CDH12: variants seen among roughly 807,000 people sequenced by gnomAD.
The protein encoded by CDH12 is cadherin 12.
A neutral mutation model predicts 74.1 loss-of-function variants in CDH12; 41 were observed. The ratio of observed to expected loss-of-function variants is 0.55; its 90% CI spans 0.43 to 0.72. The LOEUF (loss-of-function observed/expected upper bound fraction) is 0.72, where lower values mean the gene tolerates loss of function less well. Among genes scored for constraint, CDH12 ranks in the 30% least tolerant of loss-of-function variants. CDH12 has a pLI of 0.00. For missense variants in CDH12, 945 were observed against 977.2 expected, an observed-to-expected ratio of 0.97 and a Z score of 0.44; for synonymous variants, 399 against 355.0, an observed-to-expected ratio of 1.12 and a Z score of -1.39.
At chr5:21,755,970 C>A in intron 13 of CDH12, 128 bp from the exon 14 acceptor site, 2 of 857,672 alleles carry the variant, frequency 2.3e-6, no homozygotes, top group Non-Finnish European at 3.6e-6. Flanking sequence ...TTTTTTATTT[C>A]TGTTCACATT....
At chr5:21,837,518 G>C (rs557162426) in intron 8 of CDH12, among the ~76,000 whole-genome samples, 1 of 149,496 alleles carries the variant, frequency 6.7e-6, no homozygotes, top group Admixed American at 6.7e-5. Context: ...AACAAATATA[G>C]TTAGTTGTGG....
chr5:21,912,429 C>CT (rs1469268477), intron 6 of CDH12, among the ~76,000 whole-genome samples: 5 of 151,894 alleles, frequency 3.3e-5, no homozygotes, highest in African/African-American at 1.2e-4. Context: ...CTCCTGCTTT[C>CT]TTGGGAGAGA....
chr5:22,741,316 T>C (rs1418271499), intron 1 of CDH12, among the ~76,000 whole-genome samples: 1 of 152,188 alleles, frequency 6.6e-6, no homozygotes, highest in Non-Finnish European at 1.5e-5. Context: ...TTTACATTTA[T>C]TAATTTTAAC....
intron 6 of CDH12, among the ~76,000 whole-genome samples, chr5:21,876,700 C>A (rs988002713): frequency 7.0e-6 from 1 of 142,090 alleles, no homozygotes; most frequent in Non-Finnish European, 1.6e-5. Flanking sequence ...GTTGCTTCAG[C>A]CACATTTGTC....
intron 6 of CDH12, among the ~76,000 whole-genome samples, chr5:21,970,548 G>C (rs1756797070): frequency 6.6e-6 from 1 of 152,058 alleles, no homozygotes; most frequent in South Asian, 2.1e-4. Context: ...GAAACAAGTA[G>C]TCTCTGGTTG....
At chr5:21,900,275 G>T (rs1753324258) in intron 6 of CDH12, among the ~76,000 whole-genome samples, 1 of 152,082 alleles carries the variant, frequency 6.6e-6, no homozygotes, top group Non-Finnish European at 1.5e-5. Flanking sequence ...AGGCAATAAA[G>T]AAAGGAAGGA....
rs138301222 is a variant in CDH12, at chr5:22,201,220, A to G, written c.-187+11278T>C. Among the ~76,000 whole-genome samples the G allele has an allele frequency of 4.7e-3, 723 of 152,328 alleles. 5 individuals carry two copies. The highest frequency in any genetic ancestry group is 0.016 in the African/African-American group (678 of 41,588). On this transcript the variant is annotated intron_variant, in intron 4 of 14. Coordinates refer to ENST00000382254, the MANE Select transcript of CDH12 (RefSeq NM_004061.5). ...AAATGGATGCAGCCATATTCACCAT[A>G]TAAAGATGTGGAATCAACCTAAGTT... is the stretch of plus-strand genomic sequence containing the variant.
chr5:22,544,730 C>CT (rs1453176982), intron 1 of CDH12, among the ~76,000 whole-genome samples: 1 of 151,806 alleles, frequency 6.6e-6, no homozygotes, highest in Non-Finnish European at 1.5e-5. Flanking sequence ...AGAACAAGCA[C>CT]TACTTGAGCC....
intron 4 of CDH12, among the ~76,000 whole-genome samples, chr5:22,093,762 G>A (rs1342602660): frequency 6.6e-6 from 1 of 152,118 alleles, no homozygotes; most frequent in Non-Finnish European, 1.5e-5. Flanking sequence ...TAGGTGGATT[G>A]TGTGATATGG....
rs138539518 is a variant in CDH12, at chr5:22,311,702, C to CAA, written c.-333+93553_-333+93554dup. On this transcript the variant is annotated intron_variant, in intron 3 of 14. Transcript: ENST00000382254. ...TGGGTGACAGAGAGAGACTCCATCTCAAAAAAAAAAAAAAAAAAAAAATTG... is the reference window on the plus strand; with the variant it reads ...TGGGTGACAGAGAGAGACTCCATCTCAAAAAAAAAAAAAAAAAAAAAAAATTG... Among the ~76,000 whole-genome samples the CAA allele has an allele frequency of 7.8e-3, 742 of 94,620 alleles. 4 individuals carry two copies. The highest frequency in any genetic ancestry group is 0.028 in the African/African-American group (672 of 24,264). The allele number at this position is 94,620 out of a possible 152,430, so 62.1% of individuals were successfully genotyped here.
intron 6 of CDH12, among the ~76,000 whole-genome samples, chr5:21,970,959 G>A (rs1417249679): frequency 3.6e-5 from 5 of 140,110 alleles, no homozygotes. Context: ...CAAACTTCAT[G>A]TAAAATAAAA....
intron 2 of CDH12, among the ~76,000 whole-genome samples, chr5:22,447,243 A>G (rs1744851039): frequency 6.6e-6 from 1 of 152,026 alleles, no homozygotes; most frequent in Admixed American, 6.6e-5. Context: ...TTTGCACCAG[A>G]TATCTTTTAT....
At chr5:22,235,562 CAGAG>C (rs1263820632) in intron 3 of CDH12, among the ~76,000 whole-genome samples, 1 of 139,550 alleles carries the variant, frequency 7.2e-6, no homozygotes, top group Admixed American at 7.6e-5. Context: ...GCCTGGGTGA[CAGAG>C]AGAGACTGTT....
At chr5:22,198,371 T>C (rs2150352472) in intron 4 of CDH12, among the ~76,000 whole-genome samples, 1 of 152,110 alleles carries the variant, frequency 6.6e-6, no homozygotes, top group Middle Eastern at 3.4e-3. Flanking sequence ...AAGCATATCG[T>C]ATAAATATGT....
chr5:21,884,103 G>T, intron 6 of CDH12: 1 of 1,451,748 alleles, frequency 6.9e-7, no homozygotes, highest in Non-Finnish European at 9.7e-7. Context: ...TGGTTATGAT[G>T]CTATGGTTGG....
chr5:21,947,609 A>G (rs1468053472), intron 6 of CDH12, among the ~76,000 whole-genome samples: 1 of 152,196 alleles, frequency 6.6e-6, no homozygotes, highest in Non-Finnish European at 1.5e-5. Flanking sequence ...AGGGCATAAA[A>G]GTTTGGAAAA....
chr5:22,075,366 A>G (rs1252633451), intron 5 of CDH12, among the ~76,000 whole-genome samples: 1 of 151,164 alleles, frequency 6.6e-6, no homozygotes, highest in East Asian at 2.0e-4. Context: ...ATGTTAAATG[A>G]TGAGTTAATG....
chr5:21,847,467 G>T (rs934180447), intron 7 of CDH12, among the ~76,000 whole-genome samples: 29 of 152,032 alleles, frequency 1.9e-4, no homozygotes, highest in African/African-American at 6.5e-4. Context: ...GTAGAGCTGT[G>T]ATTTTTTTCT....
intron 2 of CDH12, among the ~76,000 whole-genome samples, chr5:22,484,165 T>C (rs779694507): frequency 4.0e-4 from 61 of 152,044 alleles, no homozygotes; most frequent in Non-Finnish European, 5.3e-4. Context: ...AGAAACATCA[T>C]TTTTCTAAAA....
Sources: gnomAD v4.1 joint callset for allele counts (sites outside exome capture counted in the v4.1 genomes callset) on GRCh38, gnomAD v4.1.1 for gene constraint, MANE v1.5 for transcripts, NCBI Gene and HGNC (gene_info 2026-07-23, HGNC 2026-07-21) for gene names.